CTNS: variants seen among roughly 807,000 people sequenced by gnomAD.
CTNS encodes the protein cystinosin.
A neutral mutation model predicts 43.7 loss-of-function variants in CTNS; 27 were observed. The ratio of observed to expected loss-of-function variants is 0.62; its 90% confidence interval spans 0.46 to 0.85. CTNS has a LOEUF of 0.85. CTNS is among the 40% of genes least tolerant of loss of function. CTNS has a pLI of 0.00. For missense variants in CTNS, 457 were observed against 475.4 expected (o/e 0.96, Z 0.36); for synonymous variants, 187 against 190.6 (o/e 0.98, Z 0.16).
chr17:3,657,751 A>G, intron 9 of CTNS: 1 of 566,390 alleles, frequency 1.8e-6, no homozygotes, highest in East Asian at 3.0e-5. Context: ...AGCAGCCTGA[A>G]CAGGAGGCCC....
At chr17:3,640,094 T>G in intron 2 of CTNS, 94 bp from the exon 3 acceptor site, 1 of 1,006,674 alleles carries the variant, frequency 9.9e-7, no homozygotes, top group South Asian at 1.3e-5. Flanking sequence ...CAGTCCTTTA[T>G]GAGCCATCCA....
Position 3,660,819 on chromosome 17 carries a change from C to T in CTNS, c.*450C>T. ...GCAGCCCGGTGCCGTGGCCAGTGAACTCAGAGGTGCTGGTGGACGGGCTAG... is the reference window on the plus strand; with the variant it reads ...GCAGCCCGGTGCCGTGGCCAGTGAATTCAGAGGTGCTGGTGGACGGGCTAG... On this transcript the variant is annotated 3_prime_UTR_variant, in exon 12 of 12. Coordinates refer to ENST00000046640, the MANE Select transcript of CTNS (RefSeq NM_004937.3). The T allele has an allele frequency of 1.3e-6, 2 of 1,589,572 alleles. No homozygotes were observed. The highest frequency in any genetic ancestry group is 1.7e-6 in the Non-Finnish European group (2 of 1,168,056).
At chr17:3,658,811 G>A (rs892211190) in intron 10 of CTNS, among the ~76,000 whole-genome samples, 9 of 152,224 alleles carry the variant, frequency 5.9e-5, no homozygotes, top group Non-Finnish European at 1.0e-4. Context: ...CTTAGGCTGA[G>A]CAGGACTAAG....
At chr17:3,653,069 G>A (rs2076025111) in intron 5 of CTNS, among the ~76,000 whole-genome samples, 3 of 152,174 alleles carry the variant, frequency 2.0e-5, no homozygotes, top group Admixed American at 6.5e-5. Flanking sequence ...AGTGATCAGT[G>A]AGCTATAGTT....
In CTNS at chr17:3,662,658, C is replaced by G. The variant is rs1006629074; in HGVS notation, c.*2289C>G. ...TAACACCCAAGAAAGCACACGCACC[C>G]CAGGGTCCCACCCCAGTGCTCCCAG... On this transcript the variant is annotated 3_prime_UTR_variant, in exon 12 of 12. Coordinates refer to ENST00000046640, the MANE Select transcript of CTNS (RefSeq NM_004937.3). Among the ~76,000 whole-genome samples the G allele has an allele frequency of 6.6e-6, 1 of 152,336 alleles. No individual in the cohort carries two copies. Among genetic ancestry groups the G allele is most frequent in the Non-Finnish European group, 1.5e-5 (1 of 68,028 alleles).
chr17:3,650,177 G>A, intron 5 of CTNS: 1 of 1,550,334 alleles, frequency 6.5e-7, no homozygotes, highest in Non-Finnish European at 8.7e-7. Flanking sequence ...AATAAAGCTG[G>A]TGGAAGCAGG....
chr17:3,656,894 G>A (rs2076162748), intron 9 of CTNS, 99 bp downstream of exon 9: 4 of 1,572,776 alleles, frequency 2.5e-6, no homozygotes, highest in African/African-American at 1.3e-5. Flanking sequence ...GAAAGGAAGG[G>A]TGTGTGTTCA....
chr17:3,653,345 G>A (rs1191206236), intron 5 of CTNS, among the ~76,000 whole-genome samples: 4 of 152,190 alleles, frequency 2.6e-5, no homozygotes, highest in South Asian at 4.1e-4. Flanking sequence ...CCCTGGGGGC[G>A]GAGATTGCAG....
chr17:3,640,150 A>T, intron 2 of CTNS, 38 bp from the exon 3 acceptor site: 1 of 1,545,510 alleles, frequency 6.5e-7, no homozygotes, highest in Non-Finnish European at 8.9e-7. Flanking sequence ...CTGATTCAAC[A>T]TTCCCCTGAA....
At position 3,654,712 on chromosome 17, in the gene CTNS, A is replaced by C. The variant is rs1261977733; in HGVS notation, c.226-286A>C. 2.0e-5 allele frequency among the ~76,000 whole-genome samples: 3 copies of C among 150,036 alleles called. No individual in the cohort carries two copies. The East Asian group carries it at 5.8e-4, about 29-fold the overall frequency. ...AAAAAAAAAAAGGAAAGTCTCACTC[A>C]GGCCAGGCGCGGTGGCTCACATCTA... On this transcript the variant is annotated intron_variant, in intron 5 of 11. Coordinates refer to ENST00000046640, the MANE Select transcript of CTNS (RefSeq NM_004937.3).
intron 10 of CTNS, among the ~76,000 whole-genome samples, chr17:3,658,607 G>C (rs956461904): frequency 6.6e-6 from 1 of 152,242 alleles, no homozygotes; most frequent in South Asian, 2.1e-4. Flanking sequence ...CGGGGACTCA[G>C]GGTCCAGCAC....
chr17:3,643,182 C>T (rs9892498), intron 3 of CTNS, among the ~76,000 whole-genome samples: 7,715 of 151,828 alleles, frequency 0.051, 397 homozygotes, highest in African/African-American at 0.13. Context: ...GGCGTGGTGG[C>T]GGGCGCCTAT....
chr17:3,642,946 C>G (rs771801856), intron 3 of CTNS, among the ~76,000 whole-genome samples: 2 of 152,136 alleles, frequency 1.3e-5, no homozygotes, highest in African/African-American at 4.8e-5. Flanking sequence ...TTGCCCTCAC[C>G]ATTTTCAAGC....
Position 3,660,299 on chromosome 17 carries a change from T to C in CTNS, c.1034T>C (p.Phe345Ser). The stretch of plus-strand genomic sequence containing the variant: ...GGACTCGGGGTCTTCTCCATCGTCT[T>C]CGACGTCGTCTTCTTCATCCAGCAC... Reference protein sequence around the residue: ...KFGLGVFSIVFDVVFFIQHFC... With the variant: ...KFGLGVFSIVSDVVFFIQHFC... The change falls in exon 12 of 12, where the codon TTC (phenylalanine) becomes TCC (serine). Residue 345 changes from phenylalanine to serine, a missense_variant. Transcript: ENST00000046640. The C allele has an allele frequency of 6.2e-7, 1 of 1,614,244 alleles. No individual in the cohort carries two copies. The highest frequency in any genetic ancestry group is 8.5e-7 in the Non-Finnish European group (1 of 1,180,040).
intron 5 of CTNS, among the ~76,000 whole-genome samples, chr17:3,651,624 G>T (rs897001372): frequency 6.6e-6 from 1 of 152,130 alleles, no homozygotes; most frequent in African/African-American, 2.4e-5. Context: ...TCATCAAGCT[G>T]TGATGTGTGT....
intron 3 of CTNS, among the ~76,000 whole-genome samples, chr17:3,643,206 C>G (rs573171560): frequency 4.6e-5 from 7 of 151,584 alleles, no homozygotes; most frequent in African/African-American, 1.5e-4. Flanking sequence ...CCCAGCTACT[C>G]GGGAGGCTGA....
chr17:3,654,002 C>T (rs927449918), intron 5 of CTNS, among the ~76,000 whole-genome samples: 21 of 152,174 alleles, frequency 1.4e-4, no homozygotes, highest in Non-Finnish European at 3.1e-4. Context: ...AAAATGCCCT[C>T]TTTGCCAAGT....
At chr17:3,647,929 G>C (rs1184276677) in intron 4 of CTNS, among the ~76,000 whole-genome samples, 1 of 152,238 alleles carries the variant, frequency 6.6e-6, no homozygotes, top group Non-Finnish European at 1.5e-5. Context: ...TCAGAAGCAG[G>C]AGTGGCCACG....
intron 5 of CTNS, among the ~76,000 whole-genome samples, chr17:3,649,454 A>AG (rs1212590956): frequency 1.4e-5 from 2 of 144,118 alleles, no homozygotes; most frequent in Non-Finnish European, 3.0e-5. Context: ...TCCTTCTCAA[A>AG]AAAAAAAAAA....
Sources: allele counts gnomAD v4.1 joint callset (sites outside exome capture counted in the v4.1 genomes callset), GRCh38; gene constraint gnomAD v4.1.1; transcripts MANE v1.5; gene names NCBI Gene and HGNC (gene_info 2026-07-23, HGNC 2026-07-21).